Variants in OSBPL3 observed in about 807,000 individuals in gnomAD.
OSBPL3 encodes oxysterol binding protein like 3, also known as oxysterol-binding protein-related protein 3.
In OSBPL3, 65 loss-of-function variants were observed where a neutral mutation model predicts 120.1. That is an observed-to-expected ratio of 0.54 (90% CI 0.44 to 0.67). The LOEUF is 0.67. Among genes scored for constraint, OSBPL3 ranks in the 30% least tolerant of loss-of-function variants. OSBPL3 has a pLI of 0.00. For missense variants in OSBPL3, 1,004 were observed against 1,082.1 expected (o/e 0.93, Z 1.01); for synonymous variants, 416 against 402.6 (o/e 1.03, Z -0.40).
At position 24,808,622 on chromosome 7, in the gene OSBPL3, T is replaced by C. The variant is rs1793370245; in HGVS notation, c.2317+1185A>G. Among the ~76,000 whole-genome samples, 1 of 152,226 alleles carries C rather than the reference T, an allele frequency of 6.6e-6. No homozygotes were observed. The highest frequency in any genetic ancestry group is 1.5e-5 in the Non-Finnish European group (1 of 68,036). On this transcript the variant is annotated intron_variant, in intron 20 of 22. Coordinates refer to ENST00000313367, the MANE Select transcript of OSBPL3 (RefSeq NM_015550.4). The surrounding 1 kb of genome is among the most constrained non-coding windows in gnomAD (Gnocchi z 4.6). ...CTGCAACAGTGGGAGATGTGGCAGC[T>C]ACCCATTGAAAGGGCCACTGCTGGC...
chr7:24,909,837 G>A (rs1403753104), intron 1 of OSBPL3, among the ~76,000 whole-genome samples: 1 of 127,760 alleles, frequency 7.8e-6, no homozygotes, highest in African/African-American at 3.0e-5. Context: ...TTCTCGCCCA[G>A]GCTGGAGCGC....
chr7:24,842,260 C>T lies in OSBPL3; in HGVS notation c.1401+19G>A. The T allele has an allele frequency of 3.1e-6, 5 of 1,610,924 alleles. No individual in the cohort carries two copies. The highest frequency in any genetic ancestry group is 1.1e-5 in the South Asian group (1 of 90,284). ...CAAGAGAGATTTTTGAGGCACCATA[C>T]TGTAAACATTGCTCAAACCTCGTTT... On this transcript the variant is annotated intron_variant, in intron 13 of 22. Transcript: ENST00000313367.
At chr7:24,886,096 T>C (rs1014414119) in intron 2 of OSBPL3, among the ~76,000 whole-genome samples, 2 of 152,254 alleles carry the variant, frequency 1.3e-5, no homozygotes, top group Non-Finnish European at 2.9e-5. Flanking sequence ...AGCAACTGCA[T>C]GTTTATTCAT....
rs78208747 is a variant in OSBPL3, at chr7:24,845,952, G to A, written c.1266+3117C>T. On this transcript the variant is annotated intron_variant, in intron 12 of 22. Coordinates refer to ENST00000313367, the MANE Select transcript of OSBPL3 (RefSeq NM_015550.4). ...GATGGCTTGAGCCCAAGAGTTCAAG[G>A]TCAGGCTGGGCAGCATAGTAAGACT... 3.8e-3 allele frequency among the ~76,000 whole-genome samples: 578 copies of A among 152,222 alleles called. 4 individuals are homozygous for A. The highest frequency in any genetic ancestry group is 0.013 in the African/African-American group (541 of 41,524).
Position 24,821,681 on chromosome 7 carries a change from A to G in OSBPL3, c.1885-1443T>C, listed in dbSNP as rs558161901. Among the ~76,000 whole-genome samples the G allele has an allele frequency of 6.6e-6, 1 of 152,244 alleles. No individual in the cohort carries two copies. The highest frequency in any genetic ancestry group is 2.4e-5 in the African/African-American group (1 of 41,464). The stretch of plus-strand genomic sequence containing the variant: ...ATGTAGGCATCTTTCAGATTCCTCA[A>G]TAAACACCAACGCCAGCTGCAATAC... On this transcript the variant is annotated intron_variant, in intron 16 of 22. Transcript: ENST00000313367. The surrounding 1 kb of genome is among the most constrained non-coding windows in gnomAD (Gnocchi z 5.5).
intron 1 of OSBPL3, among the ~76,000 whole-genome samples, chr7:24,974,109 C>G (rs765915460): frequency 3.9e-5 from 6 of 152,186 alleles, no homozygotes; most frequent in African/African-American, 1.4e-4. Context: ...TGTTATCCTA[C>G]GGCGCTTCTC....
chr7:24,969,490 T>G (rs989618490), intron 1 of OSBPL3, among the ~76,000 whole-genome samples: 2 of 152,244 alleles, frequency 1.3e-5, no homozygotes, highest in African/African-American at 4.8e-5. Context: ...AAATCAATCT[T>G]TTATTTTATA....
In OSBPL3 at chr7:24,947,973, C is replaced by G. The variant is rs1313681136; in HGVS notation, c.-150+31913G>C. Among the ~76,000 whole-genome samples, 1 of 151,948 alleles carries G rather than the reference C, an allele frequency of 6.6e-6. No individual in the cohort carries two copies. Among genetic ancestry groups the G allele is most frequent in the Admixed American group, 6.6e-5 (1 of 15,252 alleles). On this transcript the variant is annotated intron_variant, in intron 1 of 22. Transcript: ENST00000313367. The surrounding 1 kb of genome is among the most constrained non-coding windows in gnomAD (Gnocchi z 4.4). ...AAGCTTTAAGAATGATTTTTTTAATCCAATGTTCATTTCTAAATCTTTTTC... is the reference window on the plus strand; with the variant it reads ...AAGCTTTAAGAATGATTTTTTTAATGCAATGTTCATTTCTAAATCTTTTTC...
rs1339259040 is a variant in OSBPL3, at chr7:24,849,079, T to C, written c.1256A>G (p.Asn419Ser). 21 of 1,612,584 alleles carry C rather than the reference T, an allele frequency of 1.3e-5. No homozygotes were observed. Among genetic ancestry groups the C allele is most frequent in the Non-Finnish European group, 1.8e-5 (21 of 1,178,832 alleles). The change falls in exon 12 of 23, where the codon AAT becomes AGT. Residue 419 changes from asparagine to serine, a missense_variant. Asn to Ser is a conservative substitution (Grantham distance 46). Around this residue, in one of 4 missense-constraint regions of OSBPL3, gnomAD observed 272 missense variants for 248.8 expected, o/e 1.09. Coordinates refer to ENST00000313367, the MANE Select transcript of OSBPL3 (RefSeq NM_015550.4). The surrounding 1 kb of genome is among the most constrained non-coding windows in gnomAD (Gnocchi z 5.4). ...GAGAAACCTACCCACCTCTGCCAGATTGTCACCCGACTTGGCGACAGCGGG... is the reference window on the plus strand; with the variant it reads ...GAGAAACCTACCCACCTCTGCCAGACTGTCACCCGACTTGGCGACAGCGGG... The part of the protein sequence containing the change: ...DSPAVAKSGD[N>S]LAEENSRDEN...
rs566301961 is a variant in OSBPL3 at position 24,803,337 on chromosome 7, C to G, written c.2567+978G>C. Among the ~76,000 whole-genome samples the G allele has an allele frequency of 2.0e-5, 3 of 152,128 alleles. No individual in the cohort carries two copies. The highest frequency in any genetic ancestry group is 7.2e-5 in the African/African-American group (3 of 41,438). Reference sequence around the variant, plus strand: ...AAAACTAAAATCATATAGGCCCTGGCCTGGTAGTGAGGAGAGTCAGGCCCC... The same window carrying G: ...AAAACTAAAATCATATAGGCCCTGGGCTGGTAGTGAGGAGAGTCAGGCCCC... On this transcript the variant is annotated intron_variant, in intron 22 of 22. Coordinates refer to ENST00000313367, the MANE Select transcript of OSBPL3 (RefSeq NM_015550.4). The surrounding 1 kb of genome is among the most constrained non-coding windows in gnomAD (Gnocchi z 4.2).
chr7:24,809,113 A>C (rs556248897), intron 20 of OSBPL3, among the ~76,000 whole-genome samples: 75 of 152,262 alleles, frequency 4.9e-4, no homozygotes, highest in African/African-American at 1.7e-3. Context: ...CACACAGCCT[A>C]ACGGTTTAAA....
chr7:24,968,181 T>C lies in OSBPL3; in HGVS notation c.-150+11705A>G, dbSNP rs1816599830. ...ATCTTCAAAAGATATTTTATATTTT[T>C]ATATATACAGTGAGTACAATTAAAT... is the stretch of plus-strand genomic sequence containing the variant. On this transcript the variant is annotated intron_variant, in intron 1 of 22. Coordinates refer to ENST00000313367, the MANE Select transcript of OSBPL3 (RefSeq NM_015550.4). The surrounding 1 kb of genome is among the most constrained non-coding windows in gnomAD (Gnocchi z 4.6). Among the ~76,000 whole-genome samples the C allele has an allele frequency of 6.6e-6, 1 of 152,234 alleles. No individual in the cohort carries two copies.
chr7:24,877,907 G>A lies in OSBPL3; in HGVS notation c.97-5838C>T, dbSNP rs1803069031. On this transcript the variant is annotated intron_variant, in intron 2 of 22. Coordinates refer to ENST00000313367, the MANE Select transcript of OSBPL3 (RefSeq NM_015550.4). The surrounding 1 kb of genome is among the most constrained non-coding windows in gnomAD (Gnocchi z 4.8). ...GCTGCACTGATGTCTCATCCTGTGG[G>A]GTGTCAAGCTTAAAGGTCACCATGA... is the stretch of plus-strand genomic sequence containing the variant. Among the ~76,000 whole-genome samples the A allele has an allele frequency of 6.6e-6, 1 of 152,252 alleles. No individual in the cohort carries two copies. Among genetic ancestry groups the A allele is most frequent in the Non-Finnish European group, 1.5e-5 (1 of 68,018 alleles).
chr7:24,917,796 C>CTT (rs944107393), intron 1 of OSBPL3, among the ~76,000 whole-genome samples: 2 of 152,140 alleles, frequency 1.3e-5, no homozygotes, highest in Admixed American at 6.5e-5. Context: ...AACATTCACT[C>CTT]TTAAAGACAC....
In OSBPL3 at chr7:24,805,909, G is replaced by T. The variant is rs1480945570; in HGVS notation, c.2444+867C>A. 6.6e-6 allele frequency among the ~76,000 whole-genome samples: 1 copy of T among 152,052 alleles called. No individual in the cohort carries two copies. Among genetic ancestry groups the T allele is most frequent in the Non-Finnish European group, 1.5e-5 (1 of 68,016 alleles). ...CTTCTCCGTTTGTCATTTATCTTTT[G>T]ACCTTATATATATAGTTTTATTTAT... On this transcript the variant is annotated intron_variant, in intron 21 of 22. Coordinates refer to ENST00000313367, the MANE Select transcript of OSBPL3 (RefSeq NM_015550.4). The surrounding 1 kb of genome is among the most constrained non-coding windows in gnomAD (Gnocchi z 4.0).
chr7:24,872,821 G>C lies in OSBPL3; in HGVS notation c.97-752C>G, dbSNP rs1802356492. Among the ~76,000 whole-genome samples the C allele has an allele frequency of 6.6e-6, 1 of 151,980 alleles. No homozygotes were observed. Among genetic ancestry groups the C allele is most frequent in the South Asian group, 2.1e-4 (1 of 4,816 alleles). ...TTGAAAAAGAATTTTAAAAGAAATA[G>C]AAGAACACTAAAAGTTCTGAAAATT... On this transcript the variant is annotated intron_variant, in intron 2 of 22. Transcript: ENST00000313367. This position sits in a 1 kb window ranked among gnomAD's most constrained non-coding sequence, Gnocchi z 4.1.
In OSBPL3 at chr7:24,873,003, A is replaced by C. The variant is rs962965647; in HGVS notation, c.97-934T>G. On this transcript the variant is annotated intron_variant, in intron 2 of 22. Transcript: ENST00000313367. The surrounding 1 kb of genome is among the most constrained non-coding windows in gnomAD (Gnocchi z 4.1). ...CATGAAATGCATGAATCTTAAGAGT[A>C]TGCCTTGATAAAAATGATAAATTTT... Among the ~76,000 whole-genome samples the C allele has an allele frequency of 6.6e-6, 1 of 152,224 alleles. No homozygotes were observed. The highest frequency in any genetic ancestry group is 2.4e-5 in the African/African-American group (1 of 41,456).
chr7:24,954,003 G>C (rs1814750748), intron 1 of OSBPL3, among the ~76,000 whole-genome samples: 1 of 152,204 alleles, frequency 6.6e-6, no homozygotes, highest in Non-Finnish European at 1.5e-5. Context: ...GGGTACACTG[G>C]AAGTGGCAGC....
Position 24,852,738 on chromosome 7 carries a change from C to G in OSBPL3, c.1028-104G>C. 1 of 753,206 alleles carries G rather than the reference C, an allele frequency of 1.3e-6. No individual in the cohort carries two copies. The highest frequency in any genetic ancestry group is 2.0e-6 in the Non-Finnish European group (1 of 496,276). 46.7% of individuals were successfully genotyped at this position (753,206 alleles called of 1,614,324 possible). A position where few individuals can be genotyped will look rare whatever the true frequency, so the allele number is the denominator to read the frequency against. ...TAAAAGAAACAAGCAAAGTAACAGCCCTGAATATTTTGAGTATAGCAAATG... is the reference window on the plus strand; with the variant it reads ...TAAAAGAAACAAGCAAAGTAACAGCGCTGAATATTTTGAGTATAGCAAATG... On this transcript the variant is annotated intron_variant, in intron 10 of 22. Transcript: ENST00000313367. The surrounding 1 kb of genome is among the most constrained non-coding windows in gnomAD (Gnocchi z 4.1).
Sources: gnomAD v4.1 joint callset for allele counts (sites outside exome capture counted in the v4.1 genomes callset) on GRCh38, gnomAD v4.1.1 for gene constraint, gnomAD v4.1.1 regional missense constraint, Gnocchi (gnomAD v3.1) non-coding constraint, MANE v1.5 for transcripts, NCBI Gene and HGNC (gene_info 2026-07-23, HGNC 2026-07-21) for gene names.